WDR27: variants seen among roughly 807,000 people sequenced by gnomAD.
WDR27 encodes WD repeat-containing protein 27.
WDR27 carries 100 observed loss-of-function variants against 114.4 expected under a neutral mutation model. That is an observed-to-expected ratio of 0.87 (90% CI 0.74 to 1.03). The LOEUF (loss-of-function observed/expected upper bound fraction) is 1.03. WDR27 is among the 50% of genes least tolerant of loss of function. The pLI, the probability that WDR27 is intolerant of heterozygous loss-of-function variation, is 0.00. For missense variants in WDR27, 1,129 were observed against 1,092.9 expected (o/e 1.03, Z -0.47); for synonymous variants, 449 against 423.1 (o/e 1.06, Z -0.75).
At chr6:169,478,473 T>C (rs2115368097) in intron 25 of WDR27, among the ~76,000 whole-genome samples, 1 of 152,242 alleles carries the variant, frequency 6.6e-6, no homozygotes, top group East Asian at 1.9e-4. Context: ...TTAAGTCGGG[T>C]GTACATGTAC....
At chr6:169,643,907 C>T (rs1422647345) in intron 16 of WDR27, 121 bp from the exon 17 acceptor site, 12 of 724,238 alleles carry the variant, frequency 1.7e-5, no homozygotes, top group Non-Finnish European at 2.6e-5. Context: ...ACAAGTCACA[C>T]TGTAGAAAAG....
intron 24 of WDR27, among the ~76,000 whole-genome samples, chr6:169,581,306 A>G (rs1330423332): frequency 6.6e-6 from 1 of 151,942 alleles, no homozygotes; most frequent in East Asian, 1.9e-4. Context: ...CCCCCCATAA[A>G]TCACTACACC....
chr6:169,517,708 A>C lies in WDR27; in HGVS notation c.2645+54711T>G, dbSNP rs528516221. Among the ~76,000 whole-genome samples the C allele has an allele frequency of 9.2e-5, 14 of 152,300 alleles. No homozygotes were observed. In the South Asian group the frequency reaches 2.9e-3, roughly 32 times the overall value. ...ATATTGGAATGCCTTAATTTCTTCT[A>C]CATTTTTGAAGGATCATTTTGCTGG... On this transcript the variant is annotated intron_variant, in intron 25 of 25. Coordinates refer to ENST00000448612, the MANE Select transcript of WDR27 (RefSeq NM_182552.5).
intron 25 of WDR27, among the ~76,000 whole-genome samples, chr6:169,552,282 C>T (rs1402821026): frequency 1.3e-5 from 2 of 152,142 alleles, no homozygotes; most frequent in Admixed American, 1.3e-4. Context: ...GAACCCGTGG[C>T]CTTTTAATAA....
At chr6:169,657,187 G>C (rs1048939214) in intron 13 of WDR27, among the ~76,000 whole-genome samples, 1 of 152,192 alleles carries the variant, frequency 6.6e-6, no homozygotes, top group Non-Finnish European at 1.5e-5. Context: ...CTGAGTCCCC[G>C]CCTTCCACCT....
intron 23 of WDR27, among the ~76,000 whole-genome samples, chr6:169,590,212 C>A (rs904986022): frequency 1.3e-5 from 2 of 152,164 alleles, no homozygotes; most frequent in African/African-American, 4.8e-5. Flanking sequence ...ACGTGACCTT[C>A]ATTTCCCTTT....
intron 23 of WDR27, among the ~76,000 whole-genome samples, chr6:169,592,964 G>A (rs1806044229): frequency 6.6e-6 from 1 of 152,058 alleles, no homozygotes; most frequent in Admixed American, 6.6e-5. Flanking sequence ...AATTATTAGT[G>A]GATTTATTGA....
At chr6:169,666,988 T>C in intron 6 of WDR27, 148 bp downstream of exon 6, 1 of 1,270,598 alleles carries the variant, frequency 7.9e-7, no homozygotes, top group East Asian at 3.1e-5. Context: ...TCTCCCTGTG[T>C]GGACGGGAGT....
chr6:169,531,075 T>C (rs1004946365), intron 25 of WDR27, among the ~76,000 whole-genome samples: 1 of 152,228 alleles, frequency 6.6e-6, no homozygotes, highest in Admixed American at 6.5e-5. Flanking sequence ...GAAAACAGAA[T>C]CTTGGCCAGC....
chr6:169,605,076 T>C (rs921000199), intron 22 of WDR27, among the ~76,000 whole-genome samples: 2 of 118,178 alleles, frequency 1.7e-5, no homozygotes, highest in Non-Finnish European at 3.2e-5. Flanking sequence ...CTGTTCAATA[T>C]AGTCCTAGAA....
rs563807307 is a variant in WDR27 at position 169,577,549 on chromosome 6, C to G, written c.2524-5009G>C. Among the ~76,000 whole-genome samples the G allele has an allele frequency of 3.5e-4, 54 of 152,220 alleles. 1 individual carries two copies. The highest frequency in any genetic ancestry group is 5.7e-4 in the Non-Finnish European group (39 of 68,010). On this transcript the variant is annotated intron_variant, in intron 24 of 25. Transcript: ENST00000448612. ...GCGGGGAGATGGTCGGAGTGAGCAA[C>G]GGGAGACGAACTCGGCCCCGAAGCA... is the stretch of plus-strand genomic sequence containing the variant.
chr6:169,466,174 A>G (rs908227135), intron 25 of WDR27, among the ~76,000 whole-genome samples: 1 of 152,154 alleles, frequency 6.6e-6, no homozygotes, highest in African/African-American at 2.4e-5. Flanking sequence ...CTCACCCAAT[A>G]TATTGGTTAG....
At chr6:169,643,489 G>A (rs773654787) in intron 17 of WDR27, among the ~76,000 whole-genome samples, 11 of 152,196 alleles carry the variant, frequency 7.2e-5, no homozygotes, top group Non-Finnish European at 1.3e-4. Flanking sequence ...CAACAGCCAC[G>A]AAAGTGCTGC....
At chr6:169,626,258 A>G (rs1814782748) in intron 21 of WDR27, among the ~76,000 whole-genome samples, 1 of 152,154 alleles carries the variant, frequency 6.6e-6, no homozygotes, top group Non-Finnish European at 1.5e-5. Context: ...ACCTGCACCT[A>G]TGCGGGTGTG....
intron 25 of WDR27, among the ~76,000 whole-genome samples, chr6:169,493,862 C>T (rs545244539): frequency 6.6e-6 from 1 of 152,012 alleles, no homozygotes; most frequent in African/African-American, 2.4e-5. Flanking sequence ...TATCTAACAA[C>T]GTTGTTAAAG....
At chr6:169,665,666 T>TAG (rs1827657436) in intron 6 of WDR27, 110 bp from the exon 7 acceptor site, 3 of 1,036,300 alleles carry the variant, frequency 2.9e-6, no homozygotes, top group Admixed American at 3.0e-5. Context: ...CTTACAGTAT[T>TAG]TCTGTTAGTC....
chr6:169,472,600 T>A (rs180768983), intron 25 of WDR27, among the ~76,000 whole-genome samples: 150 of 152,284 alleles, frequency 9.9e-4, no homozygotes, highest in Middle Eastern at 3.4e-3. Context: ...ATTACATAAA[T>A]GTTATGAATT....
Position 169,577,989 on chromosome 6 carries a change from A to C in WDR27, c.2523+4847T>G, listed in dbSNP as rs549829329. The stretch of plus-strand genomic sequence containing the variant: ...ACTGAGTGAGCCAATTCACATAAAA[A>C]AATTCCATCCGTCTCTCTCTCTCCC... On this transcript the variant is annotated intron_variant, in intron 24 of 25. Transcript: ENST00000448612. 7.2e-4 allele frequency among the ~76,000 whole-genome samples: 110 copies of C among 152,246 alleles called. 1 individual carries two copies. Among genetic ancestry groups the C allele is most frequent in the Non-Finnish European group, 1.8e-4 (12 of 68,024 alleles).
chr6:169,542,383 G>A (rs976858789), intron 25 of WDR27, among the ~76,000 whole-genome samples: 17 of 151,870 alleles, frequency 1.1e-4, no homozygotes, highest in Non-Finnish European at 1.5e-5. Flanking sequence ...TGGCATTCCT[G>A]ACCAAAAAAA....
Sources: allele counts gnomAD v4.1 joint callset (sites outside exome capture counted in the v4.1 genomes callset), GRCh38; gene constraint gnomAD v4.1.1; transcripts MANE v1.5; gene names NCBI Gene and HGNC (gene_info 2026-07-23, HGNC 2026-07-21).